Variants in GPHN observed in about 807,000 individuals in gnomAD.
GPHN encodes gephyrin.
A neutral mutation model predicts 95.5 loss-of-function variants in GPHN; 17 were observed. The ratio of observed to expected loss-of-function variants is 0.18; its 90% CI spans 0.12 to 0.27. The LOEUF is 0.27. Ranked by LOEUF, GPHN falls within the 10% of genes least tolerant of loss-of-function variation. The pLI is 1.00. For synonymous variants in GPHN, 320 were observed against 322.5 expected (o/e 0.99, Z 0.08); for missense variants, 660 against 978.1 (o/e 0.67, Z 4.34).
chr14:67,556,195 G>T, the GPHN span, among the ~76,000 whole-genome samples: 1 of 152,216 alleles, frequency 6.6e-6, no homozygotes, highest in Non-Finnish European at 1.5e-5. Context: ...CAGTGATTCC[G>T]CTTCCACAGT....
At chr14:67,562,681 T>C in the GPHN span, 3 of 1,612,342 alleles carry the variant, frequency 1.9e-6, no homozygotes, top group African/African-American at 2.7e-5. Context: ...ACATTGAGAC[T>C]GAGGCCTTCT....
intron 2 of GPHN, among the ~76,000 whole-genome samples, chr14:66,740,165 CTA>C (rs1478781644): frequency 4.3e-4 from 65 of 152,170 alleles, no homozygotes; most frequent in Non-Finnish European, 7.4e-5. Context: ...ACAAAAATGT[CTA>C]AAATATAATC....
intron 17 of GPHN, among the ~76,000 whole-genome samples, chr14:67,129,972 T>C (rs1217457094): frequency 2.0e-5 from 3 of 152,202 alleles, no homozygotes; most frequent in Non-Finnish European, 4.4e-5. Context: ...AATAATGTAA[T>C]ATATTGGCTT....
At chr14:66,768,898 A>G (rs1204056852) in intron 2 of GPHN, among the ~76,000 whole-genome samples, 1 of 152,038 alleles carries the variant, frequency 6.6e-6, no homozygotes. Context: ...AGTCGTCTAG[A>G]TTTTAAAAGA....
At chr14:66,844,749 T>G (rs1239121654) in intron 4 of GPHN, among the ~76,000 whole-genome samples, 2 of 152,092 alleles carry the variant, frequency 1.3e-5, no homozygotes, top group East Asian at 3.8e-4. Context: ...AAATTTACCA[T>G]TTTAACCAAT....
chr14:66,936,237 G>A (rs1434308251), intron 8 of GPHN, among the ~76,000 whole-genome samples: 1 of 151,804 alleles, frequency 6.6e-6, no homozygotes, highest in African/African-American at 2.4e-5. Context: ...AAATTAGCCA[G>A]GCGTGGTGGC....
chr14:67,683,759 A>T, the GPHN span, among the ~76,000 whole-genome samples: 1 of 152,262 alleles, frequency 6.6e-6, no homozygotes, highest in Middle Eastern at 3.4e-3. Context: ...CCACTCTGAC[A>T]CTTCTTAGCC....
the GPHN span, chr14:67,692,179 G>A: frequency 2.4e-6 from 1 of 420,386 alleles, no homozygotes; most frequent in Non-Finnish European, 4.3e-6. Flanking sequence ...AGCCTGTACT[G>A]AGTGCTGAGA....
At chr14:67,208,210 G>C in the GPHN span, 1 of 1,612,362 alleles carries the variant, frequency 6.2e-7, no homozygotes, top group Non-Finnish European at 8.5e-7. Flanking sequence ...AGGAAAAATT[G>C]AAAAACATTC....
At chr14:66,914,304 CCTT>C (rs2065807934) in intron 5 of GPHN, among the ~76,000 whole-genome samples, 1 of 152,098 alleles carries the variant, frequency 6.6e-6, no homozygotes, top group Admixed American at 6.6e-5. Context: ...TTGCCACTAA[CCTT>C]CTAATGGAGG....
chr14:67,633,325 G>T, the GPHN span, among the ~76,000 whole-genome samples: 1 of 151,960 alleles, frequency 6.6e-6, no homozygotes, highest in Non-Finnish European at 1.5e-5. Context: ...TTTGTCTGCA[G>T]AATTTCTCTG....
At chr14:67,494,561 C>T in the GPHN span, among the ~76,000 whole-genome samples, 9 of 152,156 alleles carry the variant, frequency 5.9e-5, no homozygotes, top group Admixed American at 3.9e-4. Context: ...CCAGGCCAAT[C>T]GGCCCCGCCC....
the GPHN span, chr14:67,576,055 G>T: frequency 7.1e-7 from 1 of 1,405,664 alleles, no homozygotes. The surrounding 1 kb of genome is among the most constrained non-coding windows in gnomAD (Gnocchi z 4.0). Flanking sequence ...CTGTGATTCT[G>T]ATCTTCCCTT....
Position 66,588,074 on chromosome 14 carries a change from C to T in GPHN, c.64+79483C>T, listed in dbSNP as rs552043172. ...GCAATCTTTGCTGTTCTGCAGCCTC[C>T]GCTGGTGATACCTAGGCAAACAGGG... is the stretch of plus-strand genomic sequence containing the variant. On this transcript the variant is annotated intron_variant, in intron 1 of 22. Transcript: ENST00000478722. Among the ~76,000 whole-genome samples, 386 of 152,238 alleles carry T rather than the reference C, an allele frequency of 2.5e-3. 4 individuals carry two copies. Among genetic ancestry groups the T allele is most frequent in the African/African-American group, 8.4e-3 (349 of 41,542 alleles).
At chr14:67,424,663 G>T in the GPHN span, among the ~76,000 whole-genome samples, 1 of 151,440 alleles carries the variant, frequency 6.6e-6, no homozygotes, top group Non-Finnish European at 1.5e-5. Flanking sequence ...TCCTTCCTAT[G>T]GTCCCAGTCT....
intron 2 of GPHN, among the ~76,000 whole-genome samples, chr14:66,692,186 C>T (rs1401593223): frequency 2.0e-5 from 3 of 152,126 alleles, no homozygotes. Context: ...TACCTGCTAA[C>T]CTTCTTATAG....
intron 10 of GPHN, among the ~76,000 whole-genome samples, chr14:67,027,341 C>T (rs1320528819): frequency 6.6e-6 from 1 of 151,868 alleles, no homozygotes; most frequent in Admixed American, 6.6e-5. Flanking sequence ...TTCTTTCTGC[C>T]CCACCCCGAG....
At chr14:67,120,002 C>T (rs923304820) in intron 16 of GPHN, among the ~76,000 whole-genome samples, 3 of 151,630 alleles carry the variant, frequency 2.0e-5, no homozygotes, top group Non-Finnish European at 2.9e-5. Flanking sequence ...TGGTAGTGTG[C>T]GCCTGTAGTC....
chr14:67,316,362 G>A, the GPHN span, among the ~76,000 whole-genome samples: 35 of 152,246 alleles, frequency 2.3e-4, no homozygotes, highest in African/African-American at 7.9e-4. Flanking sequence ...GAGGAATTGA[G>A]AATAATGCAT....
Sources: gnomAD v4.1 joint callset for allele counts (sites outside exome capture counted in the v4.1 genomes callset) on GRCh38, gnomAD v4.1.1 for gene constraint, Gnocchi (gnomAD v3.1) non-coding constraint, MANE v1.5 for transcripts, NCBI Gene and HGNC (gene_info 2026-07-23, HGNC 2026-07-21) for gene names.